OSBPL5: variants seen among roughly 807,000 people sequenced by gnomAD.
OSBPL5 encodes the protein oxysterol-binding protein-related protein 5.
A neutral mutation model predicts 111.2 loss-of-function variants in OSBPL5; 71 were observed. The ratio of observed to expected loss-of-function variants is 0.64; its 90% CI spans 0.53 to 0.78. The LOEUF is 0.78. OSBPL5 is among the 30% of genes least tolerant of loss of function. OSBPL5 has a pLI of 0.00. For synonymous variants in OSBPL5, 549 were observed against 513.9 expected (o/e 1.07, Z -0.93); for missense variants, 1,210 against 1,189.3 (o/e 1.02, Z -0.26).
intron 4 of OSBPL5, 25 bp downstream of exon 4, chr11:3,122,323 G>T (rs1258887262): frequency 6.2e-7 from 1 of 1,606,306 alleles, no homozygotes; most frequent in Non-Finnish European, 8.5e-7. Flanking sequence ...TGACACTGCT[G>T]CACCCTCCCC....
chr11:3,106,464 G>A lies in OSBPL5; in HGVS notation c.1059+799C>T, dbSNP rs570836858. On this transcript the variant is annotated intron_variant, in intron 9 of 21. Transcript: ENST00000263650. The surrounding 1 kb of genome is among the most constrained non-coding windows in gnomAD (Gnocchi z 8.4). ...CCTCAGCCTGCACCCGTCACCCAGC[G>A]GAAGCTTAGATCCTGTGATTCCTTC... is the stretch of plus-strand genomic sequence containing the variant. Among the ~76,000 whole-genome samples, 1 of 150,950 alleles carries A rather than the reference G, an allele frequency of 6.6e-6. No individual in the cohort carries two copies. Among genetic ancestry groups the A allele is most frequent in the Admixed American group, 6.6e-5 (1 of 15,196 alleles).
At position 3,104,283 on chromosome 11, in the gene OSBPL5, G is replaced by T. The variant is rs1215668463; in HGVS notation, c.1154C>A (p.Ser385Tyr). Residue 385 changes from serine (S) to tyrosine (Y), a missense_variant, in exon 10 of 22, where the codon TCC becomes TAC. By Grantham distance (144) the Ser-to-Tyr change is moderately radical. Transcript: ENST00000263650. This position sits in a 1 kb window ranked among gnomAD's most constrained non-coding sequence, Gnocchi z 5.0. ...LKQLRPGMDL[S>Y]RVVLPTFVLE... ...TACGAACGTGGGTAGCACCACGCGG[G>T]ACAGGTCCATGCCTGGCCGTAGCTG... 7.4e-6 allele frequency: 12 copies of T among 1,613,736 alleles called. No homozygotes were observed.
At chr11:3,159,554 G>A (rs879916451) in intron 1 of OSBPL5, among the ~76,000 whole-genome samples, 3 of 152,220 alleles carry the variant, frequency 2.0e-5, no homozygotes, top group Non-Finnish European at 4.4e-5. Context: ...CCATGGACTC[G>A]CTGCCCCTTC....
chr11:3,126,532 G>A lies in OSBPL5; in HGVS notation c.160C>T (p.Pro54Ser). 3 of 1,609,500 alleles carry A rather than the reference G, an allele frequency of 1.9e-6. No homozygotes were observed. Among genetic ancestry groups the A allele is most frequent in the Non-Finnish European group, 1.7e-6 (2 of 1,178,662 alleles). Residue 54 changes from proline (P) to serine (S), a missense_variant, in exon 3 of 22, where the codon CCG becomes TCG. Physicochemically the swap from Pro to Ser is moderately conservative, Grantham distance 74. Coordinates refer to ENST00000263650, the MANE Select transcript of OSBPL5 (RefSeq NM_020896.4). The surrounding 1 kb of genome is among the most constrained non-coding windows in gnomAD (Gnocchi z 6.5). ...SPGKDMEPNG[P>S]SLPRDEGPPT... ...GGCCCTTCATCCCTGGGCAGCGACG[G>A]GCCGTTGGGCTCCATGTCCTTCCCT...
At chr11:3,138,673 C>A (rs766973190) in intron 1 of OSBPL5, among the ~76,000 whole-genome samples, 14 of 152,352 alleles carry the variant, frequency 9.2e-5, no homozygotes, top group Middle Eastern at 3.4e-3. Context: ...CCTGGGGCCT[C>A]TTCTGGGTGG....
intron 10 of OSBPL5, among the ~76,000 whole-genome samples, chr11:3,103,791 CCTGCCTCTG>C (rs1304394979): frequency 3.3e-4 from 14 of 42,918 alleles, no homozygotes; most frequent in Non-Finnish European, 7.2e-4. Flanking sequence ...GCAGTCCCTT[CCTGCCTCTG>C]CAGCCCTCTT....
intron 20 of OSBPL5, 104 bp downstream of exon 20, chr11:3,090,454 C>G: frequency 6.8e-7 from 1 of 1,464,574 alleles, no homozygotes; most frequent in East Asian, 2.3e-5. Flanking sequence ...TGGGAGGTTG[C>G]CCTACATCTG....
chr11:3,133,695 C>T (rs949287867), intron 1 of OSBPL5, among the ~76,000 whole-genome samples: 3 of 152,250 alleles, frequency 2.0e-5, no homozygotes, highest in African/African-American at 7.2e-5. Context: ...CATGGTGCTG[C>T]GTCCATCTCC....
chr11:3,093,797 C>T lies in OSBPL5; in HGVS notation c.1758G>A (p.Ser586=), dbSNP rs201454794. 92 of 1,613,118 alleles carry T rather than the reference C, an allele frequency of 5.7e-5. No individual in the cohort carries two copies. The highest frequency in any genetic ancestry group is 4.2e-4 in the Admixed American group (25 of 60,022). ...CTTCCTCTCCCGACGTGATCTTTCC[C>T]GAGATCTGGTTGATGCTGGTGCTAC... ...FGGSTSINQI[S]GKITSGEEVL... The change falls in exon 16 of 22, where the codon TCG becomes TCA. Residue 586 remains serine (S), a synonymous_variant. Coordinates refer to ENST00000263650, the MANE Select transcript of OSBPL5 (RefSeq NM_020896.4).
intron 1 of OSBPL5, among the ~76,000 whole-genome samples, chr11:3,132,786 C>T (rs1045321439): frequency 1.3e-5 from 2 of 152,234 alleles, no homozygotes; most frequent in Admixed American, 6.5e-5. Context: ...CATTGCACTT[C>T]TTTGTTCTTC....
At chr11:3,097,337 G>T (rs1857309466) in intron 14 of OSBPL5, among the ~76,000 whole-genome samples, 1 of 152,074 alleles carries the variant, frequency 6.6e-6, no homozygotes, top group African/African-American at 2.4e-5. Context: ...TCGCAGAAAG[G>T]CCGTTCATTC....
At chr11:3,157,448 G>C (rs1846808765) in intron 1 of OSBPL5, among the ~76,000 whole-genome samples, 2 of 152,330 alleles carry the variant, frequency 1.3e-5, no homozygotes, top group South Asian at 4.1e-4. Context: ...CTAGATGTCT[G>C]GTGTCCCACT....
In OSBPL5 at chr11:3,088,009, A is replaced by G. The variant is rs1182771366; in HGVS notation, c.*196T>C. On this transcript the variant is annotated 3_prime_UTR_variant, in exon 22 of 22. Coordinates refer to ENST00000263650, the MANE Select transcript of OSBPL5 (RefSeq NM_020896.4). ...GCGCTGGGCGGAAGGCCCTGCAGAG[A>G]GGCCAGTGCCCCTGAGAGGGGCCCA... The G allele has an allele frequency of 6.3e-6, 3 of 474,318 alleles. No homozygotes were observed. Among genetic ancestry groups the G allele is most frequent in the Non-Finnish European group, 7.3e-6 (2 of 274,672 alleles). 29.4% of individuals were successfully genotyped at this position (474,318 alleles called of 1,614,324 possible).
intron 7 of OSBPL5, among the ~76,000 whole-genome samples, chr11:3,112,042 CGCGCATGTGTGTGCATGTGT>C (rs1564837400): frequency 6.1e-5 from 5 of 82,304 alleles, no homozygotes; most frequent in African/African-American, 2.1e-4. Context: ...TGTATGTGTG[CGCGCATGTGTGTGCATGTGT>C]ATGTGTGTGT....
At chr11:3,137,222 A>C (rs901761964) in intron 1 of OSBPL5, among the ~76,000 whole-genome samples, 1 of 152,246 alleles carries the variant, frequency 6.6e-6, no homozygotes, top group Non-Finnish European at 1.5e-5. Flanking sequence ...AGACAGCAGC[A>C]TAAGAGACCA....
At chr11:3,128,933 C>G in intron 2 of OSBPL5, 80 bp downstream of exon 2, 1 of 1,296,904 alleles carries the variant, frequency 7.7e-7, no homozygotes, top group Non-Finnish European at 1.0e-6. Context: ...TCAAGGGGCA[C>G]AGAGGGGTTG....
chr11:3,112,087 A>ATG (rs1192900186), intron 7 of OSBPL5, among the ~76,000 whole-genome samples: 69 of 97,336 alleles, frequency 7.1e-4, no homozygotes, highest in African/African-American at 2.5e-3. Context: ...GTGTGTGTGC[A>ATG]TGTGTGTGTG....
At position 3,126,662 on chromosome 11, in the gene OSBPL5, G is replaced by A; in HGVS notation, c.137-107C>T. On this transcript the variant is annotated intron_variant, in intron 2 of 21. Transcript: ENST00000263650. This position sits in a 1 kb window ranked among gnomAD's most constrained non-coding sequence, Gnocchi z 6.5. ...CGAAGCGTGGGTGCGGATGACCTGG[G>A]AGGGGCAGGAAGTCAGCCGGAGGTG... 1 of 929,474 alleles carries A rather than the reference G, an allele frequency of 1.1e-6. No homozygotes were observed. Among genetic ancestry groups the A allele is most frequent in the Non-Finnish European group, 1.6e-6 (1 of 632,042 alleles). 57.6% of individuals were successfully genotyped at this position (929,474 alleles called of 1,614,324 possible).
rs144236927 is a variant in OSBPL5, at chr11:3,111,021, T to C, written c.692-3076A>G. Among the ~76,000 whole-genome samples the C allele has an allele frequency of 6.6e-4, 100 of 152,276 alleles. 2 individuals carry two copies. The East Asian group carries it at 0.014, about 22-fold the overall frequency. On this transcript the variant is annotated intron_variant, in intron 7 of 21. Coordinates refer to ENST00000263650, the MANE Select transcript of OSBPL5 (RefSeq NM_020896.4). ...AAACATTTTGGTAACCACTGAAGGA[T>C]TCTGAGTGGAGATGCCCCTGACTTT...
Sources: allele counts gnomAD v4.1 joint callset (sites outside exome capture counted in the v4.1 genomes callset), GRCh38; gene constraint gnomAD v4.1.1; non-coding constraint Gnocchi (gnomAD v3.1); transcripts MANE v1.5; gene names NCBI Gene and HGNC (gene_info 2026-07-23, HGNC 2026-07-21).